The following CYP19A1 variants were observed in gnomAD, a reference collection of about 807,000 sequenced individuals.
The protein encoded by CYP19A1 is cytochrome P450 family 19 subfamily A member 1.
In CYP19A1, 32 loss-of-function variants were observed where a neutral mutation model predicts 44.4. That is an observed-to-expected ratio of 0.72 (90% CI 0.54 to 0.97). The LOEUF (loss-of-function observed/expected upper bound fraction) is 0.97, where lower values mean the gene tolerates loss of function less well. CYP19A1 is among the 50% of genes least tolerant of loss of function. CYP19A1 has a pLI of 0.00. For missense variants in CYP19A1, 598 were observed against 637.8 expected (o/e 0.94, Z 0.67); for synonymous variants, 212 against 215.6 (o/e 0.98, Z 0.14).
chr15:51,263,727 A>G (rs1230839741), intron 1 of CYP19A1, among the ~76,000 whole-genome samples: 1 of 152,252 alleles, frequency 6.6e-6, no homozygotes, highest in Admixed American at 6.5e-5. Flanking sequence ...CAATGGACCC[A>G]TCCAATCCTC....
chr15:51,304,090 A>G (rs1029890157), intron 1 of CYP19A1, among the ~76,000 whole-genome samples: 2 of 152,248 alleles, frequency 1.3e-5, no homozygotes, highest in Admixed American at 1.3e-4. Context: ...GGAAGTCATT[A>G]GAAACAACGG....
In CYP19A1 at chr15:51,230,013, G is replaced by C. The variant is rs146939415; in HGVS notation, c.297-2080C>G. 8.8e-3 allele frequency among the ~76,000 whole-genome samples: 1,340 copies of C among 152,298 alleles called. 11 individuals carry two copies. The highest frequency in any genetic ancestry group is 0.015 in the Admixed American group (234 of 15,302). The stretch of plus-strand genomic sequence containing the variant: ...CTTTAAAATTCTTGTGTCCTTTAGG[G>C]GGCACCAACTTCTCAGCTATTTTGA... On this transcript the variant is annotated intron_variant, in intron 3 of 9. Transcript: ENST00000396402.
rs2141029421 is a variant in CYP19A1 at position 51,210,724 on chromosome 15, G to A, written c.*84C>T. 2.2e-6 allele frequency: 2 copies of A among 917,010 alleles called. No homozygotes were observed. The highest frequency in any genetic ancestry group is 3.7e-6 in the Non-Finnish European group (2 of 543,684). 56.8% of individuals were successfully genotyped at this position (917,010 alleles called of 1,614,324 possible). ...ATGGGCCACTGAGTGTTCACTGTGA[G>A]GATGACACTATTGGCAAGGATGGAT... On this transcript the variant is annotated 3_prime_UTR_variant, in exon 10 of 10. Coordinates refer to ENST00000396402, the MANE Select transcript of CYP19A1 (RefSeq NM_000103.4).
intron 1 of CYP19A1, among the ~76,000 whole-genome samples, chr15:51,261,097 C>A (rs971207550): frequency 6.6e-6 from 1 of 152,184 alleles, no homozygotes; most frequent in African/African-American, 2.4e-5. Context: ...GCTAGAGGCT[C>A]GCCATTGTTC....
In CYP19A1 at chr15:51,208,147, C is replaced by G. The variant is rs1445653909; in HGVS notation, c.*2661G>C. The G allele has an allele frequency of 6.6e-6, 1 of 152,146 alleles. No individual in the cohort carries two copies. The highest frequency in any genetic ancestry group is 2.4e-5 in the African/African-American group (1 of 41,436). 9.4% of individuals were successfully genotyped at this position (152,146 alleles called of 1,614,324 possible). A position where few individuals can be genotyped will look rare whatever the true frequency, so the allele number is the denominator to read the frequency against. ...CCAGCTGATATAGATTGAAAAGGGT[C>G]CCTCTATCCTTCAGTGGGCCAATGG... On this transcript the variant is annotated 3_prime_UTR_variant, in exon 10 of 10. Transcript: ENST00000396402.
At chr15:51,314,778 A>G (rs1324674273) in intron 1 of CYP19A1, among the ~76,000 whole-genome samples, 1 of 152,142 alleles carries the variant, frequency 6.6e-6, no homozygotes, top group Non-Finnish European at 1.5e-5. Flanking sequence ...TGGTCATGCC[A>G]CCATTTTCTT....
At chr15:51,293,554 TCTCCCC>T (rs2035896598) in intron 1 of CYP19A1, 1 of 149,626 alleles carries the variant, frequency 6.7e-6, no homozygotes, top group African/African-American at 2.6e-5. Context: ...TCCCTCTCCC[TCTCCCC>T]ACGGTCTCCC....
chr15:51,322,626 T>G (rs2036545805), intron 1 of CYP19A1, among the ~76,000 whole-genome samples: 2 of 152,220 alleles, frequency 1.3e-5, no homozygotes. Flanking sequence ...GAAGAGCCCT[T>G]GTCATAATCT....
At chr15:51,222,152 G>A (rs1303668381) in intron 5 of CYP19A1, 197 bp downstream of exon 5, 6 of 935,776 alleles carry the variant, frequency 6.4e-6, no homozygotes, top group Admixed American at 5.7e-5. Context: ...GTAGATGCTG[G>A]CCCCTACTTT....
In CYP19A1 at chr15:51,210,811, G is replaced by T; in HGVS notation, c.1509C>A (p.His503Gln). The T allele has an allele frequency of 6.3e-7, 1 of 1,581,074 alleles. No homozygotes were observed. Among genetic ancestry groups the T allele is most frequent in the Non-Finnish European group, 8.7e-7 (1 of 1,149,664 alleles). The change falls in exon 10 of 10, where the codon CAC (histidine) becomes CAA (glutamine). Residue 503 changes from histidine to glutamine, a missense_variant. By Grantham distance (24) the His-to-Gln change is conservative. Coordinates refer to ENST00000396402, the MANE Select transcript of CYP19A1 (RefSeq NM_000103.4). ...AGTGGGTACTGACCAGCCTTCTCTAGTGTTCCAGACACCTGTCTGAGTTTC... is the reference window on the plus strand; with the variant it reads ...AGTGGGTACTGACCAGCCTTCTCTATTGTTCCAGACACCTGTCTGAGTTTC... ...TPRNSDRCLE[H>Q] is the part of the protein sequence containing the mutation.
At chr15:51,299,243 T>G (rs2036062889) in intron 1 of CYP19A1, among the ~76,000 whole-genome samples, 1 of 152,146 alleles carries the variant, frequency 6.6e-6, no homozygotes, top group Non-Finnish European at 1.5e-5. Context: ...AAATTCACAC[T>G]CATCCCCGCC....
intron 1 of CYP19A1, among the ~76,000 whole-genome samples, chr15:51,250,080 T>C (rs1469728477): frequency 6.6e-6 from 1 of 152,246 alleles, no homozygotes; most frequent in East Asian, 1.9e-4. Context: ...ATCCCTGCTG[T>C]GGTCTCTGAC....
chr15:51,290,277 G>A (rs1053802100), intron 1 of CYP19A1, among the ~76,000 whole-genome samples: 1 of 152,228 alleles, frequency 6.6e-6, no homozygotes, highest in South Asian at 2.1e-4. Flanking sequence ...GCTGCTAGGA[G>A]CAGCCATGGT....
At chr15:51,232,015 T>G (rs1443656948) in intron 3 of CYP19A1, among the ~76,000 whole-genome samples, 1 of 152,170 alleles carries the variant, frequency 6.6e-6, no homozygotes, top group Admixed American at 6.5e-5. Context: ...ATCATTTGAT[T>G]TTCCTCCATA....
chr15:51,242,012 C>T (rs1008715732), intron 2 of CYP19A1, among the ~76,000 whole-genome samples: 2 of 152,036 alleles, frequency 1.3e-5, no homozygotes, highest in African/African-American at 4.8e-5. Flanking sequence ...AAGAAGCAGT[C>T]TGAAATTTCA....
chr15:51,298,548 T>C (rs2036046253), intron 1 of CYP19A1, among the ~76,000 whole-genome samples: 1 of 152,232 alleles, frequency 6.6e-6, no homozygotes. Context: ...GTAGAAATTT[T>C]CTAGGGAGGG....
At chr15:51,252,080 C>G (rs930154382) in intron 1 of CYP19A1, among the ~76,000 whole-genome samples, 2 of 152,148 alleles carry the variant, frequency 1.3e-5, no homozygotes, top group Non-Finnish European at 2.9e-5. Flanking sequence ...TGTCTTAGGC[C>G]AGCCAGTGGT....
At chr15:51,245,928 C>T (rs1159367960) in intron 1 of CYP19A1, among the ~76,000 whole-genome samples, 1 of 152,216 alleles carries the variant, frequency 6.6e-6, no homozygotes. Flanking sequence ...TCTCCAGAGC[C>T]CATGCTCTTT....
intron 1 of CYP19A1, among the ~76,000 whole-genome samples, chr15:51,278,763 C>T (rs900101309): frequency 3.9e-5 from 6 of 152,124 alleles, no homozygotes; most frequent in Admixed American, 3.9e-4. Flanking sequence ...GATATGGCAT[C>T]CTCTGAGGGA....
Sources: gnomAD v4.1 joint callset for allele counts (sites outside exome capture counted in the v4.1 genomes callset) on GRCh38, gnomAD v4.1.1 for gene constraint, MANE v1.5 for transcripts, NCBI Gene and HGNC (gene_info 2026-07-23, HGNC 2026-07-21) for gene names.